KIT: variants seen among roughly 807,000 people sequenced by gnomAD.
KIT encodes the protein mast/stem cell growth factor receptor Kit.
In KIT, 16 loss-of-function variants were observed where a neutral mutation model predicts 105.7. The observed-to-expected ratio is 0.15, with a 90% CI of 0.10 to 0.23. The LOEUF (loss-of-function observed/expected upper bound fraction) is 0.23. Ranked by LOEUF, KIT falls within the 10% of genes least tolerant of loss-of-function variation. KIT has a pLI of 1.00. For synonymous variants in KIT, 438 were observed against 441.1 expected (o/e 0.99, Z 0.09); for missense variants, 858 against 1,213.8 (o/e 0.71, Z 4.36).
At chr4:54,711,851 C>A (rs549018664) in intron 7 of KIT, among the ~76,000 whole-genome samples, 1 of 151,382 alleles carries the variant, frequency 6.6e-6, no homozygotes, top group African/African-American at 2.4e-5. Flanking sequence ...TGAACCTCAA[C>A]CTGGGAGACA....
rs553270972 is a variant in KIT at position 54,734,463 on chromosome 4, C to T, written c.2484+1271C>T. Among the ~76,000 whole-genome samples the T allele has an allele frequency of 3.9e-4, 60 of 152,244 alleles. 1 individual carries two copies. The East Asian group carries it at 9.1e-3, about 23-fold the overall frequency. The stretch of plus-strand genomic sequence containing the variant: ...CTATTCTTTATAGATGTCTTATTTA[C>T]GATCTAAATAATCGTGACGGTGGTT... On this transcript the variant is annotated intron_variant, in intron 17 of 20. Transcript: ENST00000288135.
At chr4:54,713,621 T>C (rs1213218605) in intron 7 of KIT, among the ~76,000 whole-genome samples, 1 of 152,242 alleles carries the variant, frequency 6.6e-6, no homozygotes, top group African/African-American at 2.4e-5. Flanking sequence ...GCGTAATTGC[T>C]TAATAGATTC....
At chr4:54,658,226 T>C (rs1219257539) in intron 1 of KIT, 145 bp downstream of exon 1, 4 of 823,780 alleles carry the variant, frequency 4.9e-6, no homozygotes, top group Non-Finnish European at 8.0e-6. Flanking sequence ...AGACTCCAGG[T>C]GGCCCTCGGA....
chr4:54,705,505 A>G (rs1720728440), intron 5 of KIT, among the ~76,000 whole-genome samples: 1 of 152,198 alleles, frequency 6.6e-6, no homozygotes, highest in African/African-American at 2.4e-5. Flanking sequence ...TAGTAAGAAT[A>G]TTACTATAGT....
intron 7 of KIT, among the ~76,000 whole-genome samples, chr4:54,711,929 A>T (rs975732086): frequency 1.5e-5 from 2 of 137,016 alleles, no homozygotes; most frequent in African/African-American, 5.5e-5. Context: ...AGTCCGTCTC[A>T]AAAAAAAAAA....
At position 54,739,069 on chromosome 4, in the gene KIT, T is replaced by C. The variant is rs1723100123; in HGVS notation, c.*512T>C. 2.4e-6 allele frequency: 1 copy of C among 422,220 alleles called. No individual in the cohort carries two copies. Among genetic ancestry groups the C allele is most frequent in the African/African-American group, 2.0e-5 (1 of 49,188 alleles). 26.2% of individuals were successfully genotyped at this position (422,220 alleles called of 1,614,324 possible). A position where few individuals can be genotyped will look rare whatever the true frequency, so the allele number is the denominator to read the frequency against. The stretch of plus-strand genomic sequence containing the variant: ...GAAATCTAGTATTTCATGCTGGGAA[T>C]GAGACATAGGCCATGAAAAAAATGA... On this transcript the variant is annotated 3_prime_UTR_variant, in exon 21 of 21. Coordinates refer to ENST00000288135, the MANE Select transcript of KIT (RefSeq NM_000222.3).
At chr4:54,662,804 C>A (rs1717379275) in intron 1 of KIT, among the ~76,000 whole-genome samples, 1 of 152,090 alleles carries the variant, frequency 6.6e-6, no homozygotes, top group Admixed American at 6.5e-5. Flanking sequence ...AACCCCTGAC[C>A]TCAGGTGATC....
chr4:54,680,119 C>T (rs971375957), intron 1 of KIT, among the ~76,000 whole-genome samples: 15 of 152,118 alleles, frequency 9.9e-5, no homozygotes, highest in African/African-American at 2.9e-4. Context: ...TACTTAATGC[C>T]ACTGAACTGT....
rs1207326390 is a variant in KIT, at chr4:54,739,715, C to T, written c.*1158C>T. 8.6e-6 allele frequency: 2 copies of T among 233,434 alleles called. No individual in the cohort carries two copies. Among genetic ancestry groups the T allele is most frequent in the African/African-American group, 2.2e-5 (1 of 45,332 alleles). The allele number at this position is 233,434 out of a possible 1,614,324, so 14.5% of individuals were successfully genotyped here. A position where few individuals can be genotyped will look rare whatever the true frequency, so the allele number is the denominator to read the frequency against. On this transcript the variant is annotated 3_prime_UTR_variant, in exon 21 of 21. Transcript: ENST00000288135. ...AAATATTTGGAGGGGTATTTTTGCC[C>T]TGAGTCCAAGAGGGTCCTTTAGTAC...
At chr4:54,685,515 C>CT (rs756561964) in intron 1 of KIT, among the ~76,000 whole-genome samples, 12 of 152,216 alleles carry the variant, frequency 7.9e-5, no homozygotes, top group Non-Finnish European at 1.6e-4. Flanking sequence ...CTCATCAGCT[C>CT]TTTTCTGGGT....
At chr4:54,696,456 G>T (rs543481735) in intron 2 of KIT, among the ~76,000 whole-genome samples, 2 of 152,264 alleles carry the variant, frequency 1.3e-5, no homozygotes, top group South Asian at 4.2e-4. Flanking sequence ...TGATCCACTG[G>T]CAGCTTAAGG....
chr4:54,684,875 A>G (rs141428433), intron 1 of KIT, among the ~76,000 whole-genome samples: 117 of 152,118 alleles, frequency 7.7e-4, no homozygotes, highest in African/African-American at 2.6e-3. Context: ...GAGTTCTATG[A>G]TTGTTTCTCC....
intron 4 of KIT, among the ~76,000 whole-genome samples, chr4:54,702,980 T>C (rs3020825): frequency 0.34 from 52,455 of 152,056 alleles, 10,872 homozygotes; most frequent in Middle Eastern, 0.56. Flanking sequence ...TATTAGACTT[T>C]CTTTAATCTT....
intron 1 of KIT, among the ~76,000 whole-genome samples, chr4:54,694,633 G>A (rs1229847535): frequency 6.6e-6 from 1 of 152,168 alleles, no homozygotes; most frequent in African/African-American, 2.4e-5. Context: ...TCCCACCTCA[G>A]CCTCCCAGAG....
chr4:54,684,121 G>T (rs1290398030), intron 1 of KIT, among the ~76,000 whole-genome samples: 1 of 147,300 alleles, frequency 6.8e-6, no homozygotes, highest in Non-Finnish European at 1.5e-5. Flanking sequence ...GGCAGGAAGG[G>T]CCCAAACCAC....
At chr4:54,663,528 T>A (rs142168042) in intron 1 of KIT, among the ~76,000 whole-genome samples, 9 of 152,286 alleles carry the variant, frequency 5.9e-5, no homozygotes, top group Admixed American at 5.9e-4. Flanking sequence ...GTGGTTTTTT[T>A]TTTTCGTATT....
chr4:54,678,581 A>G (rs894123465), intron 1 of KIT, among the ~76,000 whole-genome samples: 10 of 152,094 alleles, frequency 6.6e-5, no homozygotes, highest in Non-Finnish European at 1.3e-4. Context: ...GTAGAGGTCA[A>G]ATGAGTTTTC....
At chr4:54,720,426 C>T (rs1034087437) in intron 7 of KIT, among the ~76,000 whole-genome samples, 1 of 152,224 alleles carries the variant, frequency 6.6e-6, no homozygotes, top group Admixed American at 6.5e-5. Flanking sequence ...TGTATAACTG[C>T]TACCAGGTGT....
intron 1 of KIT, among the ~76,000 whole-genome samples, chr4:54,663,474 G>A (rs776714281): frequency 4.6e-5 from 7 of 151,846 alleles, no homozygotes; most frequent in Non-Finnish European, 8.8e-5. Context: ...TTTCAGCTTT[G>A]CCTCTTAGAA....
Sources: allele counts gnomAD v4.1 joint callset (sites outside exome capture counted in the v4.1 genomes callset), GRCh38; gene constraint gnomAD v4.1.1; transcripts MANE v1.5; gene names NCBI Gene and HGNC (gene_info 2026-07-23, HGNC 2026-07-21).